Variants in DPF1 observed in about 807,000 individuals in gnomAD.
DPF1 encodes double PHD fingers 1.
A neutral mutation model predicts 58.7 loss-of-function variants in DPF1; 14 were observed. That is an observed-to-expected ratio of 0.24 (90% CI 0.16 to 0.37). The LOEUF (loss-of-function observed/expected upper bound fraction) is 0.37, where lower values mean the gene tolerates loss of function less well. Among genes scored for constraint, DPF1 ranks in the 10% least tolerant of loss-of-function variants. DPF1 has a pLI of 1.00. For synonymous variants in DPF1, 216 were observed against 216.0 expected, an observed-to-expected ratio of 1.00 and a Z score of 0.00; for missense variants, 345 against 529.9, an observed-to-expected ratio of 0.65 and a Z score of 3.43.
upstream of DPF1, among the ~76,000 whole-genome samples, chr19:38,224,799 C>T (rs1967747119): frequency 6.6e-6 from 1 of 152,234 alleles, no homozygotes; most frequent in South Asian, 2.1e-4. This position sits in a 1 kb window ranked among gnomAD's most constrained non-coding sequence, Gnocchi z 4.5. Flanking sequence ...GTCACACCTC[C>T]AGGGTTCAAA....
At position 38,212,145 on chromosome 19, in the gene DPF1, G is replaced by T. The variant is rs776640594; in HGVS notation, c.1094-12C>A. Reference sequence around the variant, plus strand: ...ACAGCTCCAGCTCCCTGCGGGGGCAGCCGAAGCTGAAGTCAGGCCCGGGTC... The same window carrying T: ...ACAGCTCCAGCTCCCTGCGGGGGCATCCGAAGCTGAAGTCAGGCCCGGGTC... On this transcript the variant is annotated splice_polypyrimidine_tract_variant and intron_variant, in intron 11 of 11. Coordinates refer to ENST00000355526, the MANE Select transcript of DPF1 (RefSeq NM_001135155.3). 3 of 1,607,422 alleles carry T rather than the reference G, an allele frequency of 1.9e-6. No homozygotes were observed. Among genetic ancestry groups the T allele is most frequent in the Non-Finnish European group, 2.5e-6 (3 of 1,178,088 alleles).
intron 6 of DPF1, 31 bp from the exon 7 acceptor site, chr19:38,217,622 C>T (rs1434966969): frequency 6.5e-7 from 1 of 1,535,554 alleles, no homozygotes; most frequent in Non-Finnish European, 8.8e-7. Context: ...GAGGGCCTGT[C>T]AGCCCCTCCG....
At chr19:38,226,502 CTACACACACA>C (rs1416293995), upstream of DPF1, among the ~76,000 whole-genome samples, 14 of 112,392 alleles carry the variant, frequency 1.2e-4, no homozygotes, top group Middle Eastern at 8.8e-3. Flanking sequence ...ACGGTCACTT[CTACACACACA>C]CACACACACA....
upstream of DPF1, among the ~76,000 whole-genome samples, chr19:38,226,244 C>T (rs568506772): frequency 6.7e-6 from 1 of 148,848 alleles, no homozygotes; most frequent in Non-Finnish European, 1.5e-5. Flanking sequence ...CCCCGTCCCC[C>T]CTCCCGTCTC....
upstream of DPF1, among the ~76,000 whole-genome samples, chr19:38,225,282 T>C (rs1967767637): frequency 6.7e-6 from 1 of 150,338 alleles, no homozygotes; most frequent in Non-Finnish European, 1.5e-5. Context: ...GAAAGAATAA[T>C]GCGGCCAGGT....
Position 38,229,289 on chromosome 19 carries a change from G to A in DPF1, c.-132+270C>T, listed in dbSNP as rs1419462981. On this transcript the variant is annotated intron_variant, in intron 1 of 11. Coordinates refer to the DPF1 transcript ENST00000412732. The surrounding 1 kb of genome is among the most constrained non-coding windows in gnomAD (Gnocchi z 5.3). ...GAAACCCCTACCCCCACTCTGGGTG[G>A]GGAAACGGCCTCCGCCACCCCCAGC... Among the ~76,000 whole-genome samples, 1 of 152,030 alleles carries A rather than the reference G, an allele frequency of 6.6e-6. No individual in the cohort carries two copies. The highest frequency in any genetic ancestry group is 2.4e-5 in the African/African-American group (1 of 41,428).
At chr19:38,212,238 T>TGGGGGGGGGGGGGCG in intron 11 of DPF1, 42 bp downstream of exon 11, 1 of 585,194 alleles carries the variant, frequency 1.7e-6, no homozygotes, top group Non-Finnish European at 3.0e-6. Context: ...GAGATGGCGT[T>TGGGGGGGGGGGGGCG]CCCACCCACC....
At chr19:38,223,962 C>A (rs1272223644) in intron 1 of DPF1, 152 bp downstream of exon 1, 23 of 1,051,700 alleles carry the variant, frequency 2.2e-5, no homozygotes, top group Non-Finnish European at 2.7e-5. Context: ...TGTCAGAGAC[C>A]CACAGTCACA....
intron 10 of DPF1, 144 bp from the exon 11 acceptor site, chr19:38,212,505 G>A: frequency 1.8e-6 from 1 of 542,460 alleles, no homozygotes; most frequent in Non-Finnish European, 3.3e-6. Context: ...TTTGCAGCAG[G>A]AAATGTGTGC....
Position 38,214,831 on chromosome 19 carries a change from C to CTT in DPF1, c.899-1077_899-1076dup, listed in dbSNP as rs36047300. ...AATGGGGTGCGAAACTATGCCCAGC[C>CTT]TTTTTTTTTTTTTTTTTTTTTTGAG... is the stretch of plus-strand genomic sequence containing the variant. On this transcript the variant is annotated intron_variant, in intron 9 of 11. Coordinates refer to ENST00000355526, the MANE Select transcript of DPF1 (RefSeq NM_001135155.3). Among the ~76,000 whole-genome samples the CTT allele has an allele frequency of 2.6e-3, 230 of 89,396 alleles. 2 individuals carry two copies. Among genetic ancestry groups the CTT allele is most frequent in the African/African-American group, 6.6e-3 (142 of 21,366 alleles). 58.6% of individuals were successfully genotyped at this position (89,396 alleles called of 152,430 possible). A position where few individuals can be genotyped will look rare whatever the true frequency, so the allele number is the denominator to read the frequency against.
rs1485978000 is a variant in DPF1 at position 38,229,532 on chromosome 19, G to C, written c.-132+27C>G. Reference sequence around the variant, plus strand: ...GGCTCCTGGTGGGGGGGTCTGGACAGGGGGCGGGGACGGCAGGGACACTCA... The same window carrying C: ...GGCTCCTGGTGGGGGGGTCTGGACACGGGGCGGGGACGGCAGGGACACTCA... On this transcript the variant is annotated intron_variant, in intron 1 of 11. Coordinates refer to the DPF1 transcript ENST00000412732. The surrounding 1 kb of genome is among the most constrained non-coding windows in gnomAD (Gnocchi z 5.3). 1.0e-5 allele frequency: 12 copies of C among 1,151,678 alleles called. No homozygotes were observed. Among genetic ancestry groups the C allele is most frequent in the Non-Finnish European group, 1.3e-5 (12 of 934,774 alleles). 71.3% of individuals were successfully genotyped at this position (1,151,678 alleles called of 1,614,324 possible). A position where few individuals can be genotyped will look rare whatever the true frequency, so the allele number is the denominator to read the frequency against.
At chr19:38,217,088 G>A (rs1198410041) in intron 7 of DPF1, among the ~76,000 whole-genome samples, 1 of 152,088 alleles carries the variant, frequency 6.6e-6, no homozygotes, top group Non-Finnish European at 1.5e-5. Context: ...TGTCAGAACT[G>A]GCATGGGATT....
At chr19:38,221,810 G>A (rs1036689280) in intron 3 of DPF1, among the ~76,000 whole-genome samples, 12 of 152,020 alleles carry the variant, frequency 7.9e-5, no homozygotes, top group Non-Finnish European at 1.2e-4. Flanking sequence ...GGCCAGGCGC[G>A]GTGGCTCACA....
At position 38,229,426 on chromosome 19, in the gene DPF1, A is replaced by C; in HGVS notation, c.-132+133T>G. 7 of 284,580 alleles carry C rather than the reference A, an allele frequency of 2.5e-5. No individual in the cohort carries two copies. Among genetic ancestry groups the C allele is most frequent in the East Asian group, 2.6e-4 (2 of 7,592 alleles). 17.6% of individuals were successfully genotyped at this position (284,580 alleles called of 1,614,324 possible). A position where few individuals can be genotyped will look rare whatever the true frequency, so the allele number is the denominator to read the frequency against. ...ACAGGGGGTGGGGACCCCCGGGGCA[A>C]GGGTTCGCGCTGGGGGCCCCCATTC... is the stretch of plus-strand genomic sequence containing the variant. On this transcript the variant is annotated intron_variant, in intron 1 of 11. Coordinates refer to the DPF1 transcript ENST00000412732. This position sits in a 1 kb window ranked among gnomAD's most constrained non-coding sequence, Gnocchi z 5.3.
In DPF1 at chr19:38,224,144, T is replaced by C; in HGVS notation, c.-2A>G. The C allele has an allele frequency of 6.8e-7, 1 of 1,479,372 alleles. No homozygotes were observed. The allele number at this position is 1,479,372 out of a possible 1,614,324, so 91.6% of individuals were successfully genotyped here. ...GGGGCCAGGGATGACAGTGGCCATC[T>C]TGCTCCCCGGGTCCTGCCCCCAGCA... On this transcript the variant is annotated 5_prime_UTR_variant, in exon 1 of 12. Coordinates refer to ENST00000355526, the MANE Select transcript of DPF1 (RefSeq NM_001135155.3). This position sits in a 1 kb window ranked among gnomAD's most constrained non-coding sequence, Gnocchi z 4.5.
Position 38,213,756 on chromosome 19 carries a change from C to T in DPF1, c.899G>A (p.Gly300Glu). 6.2e-7 allele frequency: 1 copy of T among 1,613,246 alleles called. No homozygotes were observed. Among genetic ancestry groups the T allele is most frequent in the Non-Finnish European group, 8.5e-7 (1 of 1,179,432 alleles). ...LISCADCGRS[G>E]HPSCLQFTVN... The stretch of plus-strand genomic sequence containing the variant: ...CGTGAATTGTAAACACGAGGGGTGT[C>T]CTGGGGGCCAAGGGGCAGGGGTGCA... The change falls in exon 10 of 12, where the codon GGA becomes GAA. Residue 300 changes from glycine (G) to glutamate (E), a missense_variant and splice_region_variant. Transcript: ENST00000355526.
chr19:38,219,215 G>C (rs1967266654), intron 3 of DPF1, 157 bp from the exon 4 acceptor site: 2 of 1,091,340 alleles, frequency 1.8e-6, no homozygotes, highest in Non-Finnish European at 2.6e-6. Flanking sequence ...AGACTCTGGG[G>C]AGACCCAGTC....
intron 3 of DPF1, among the ~76,000 whole-genome samples, chr19:38,221,024 A>G (rs1967433489): frequency 6.6e-6 from 1 of 152,242 alleles, no homozygotes; most frequent in East Asian, 1.9e-4. Flanking sequence ...ACACACCCAC[A>G]GAAAGAGACG....
chr19:38,225,877 A>G (rs2146223392), upstream of DPF1, among the ~76,000 whole-genome samples: 1 of 139,768 alleles, frequency 7.2e-6, no homozygotes, highest in South Asian at 2.4e-4. Context: ...CAACTGAGCA[A>G]GACCCTGTCT....
Sources: gnomAD v4.1 joint callset for allele counts (sites outside exome capture counted in the v4.1 genomes callset) on GRCh38, gnomAD v4.1.1 for gene constraint, Gnocchi (gnomAD v3.1) non-coding constraint, MANE v1.5 for transcripts, NCBI Gene and HGNC (gene_info 2026-07-23, HGNC 2026-07-21) for gene names.